Variants in FAM227B observed in about 807,000 individuals in gnomAD.
The protein encoded by FAM227B is protein FAM227B.
Under a neutral mutation model 73.8 loss-of-function variants are expected in FAM227B, and 88 were observed. That is an observed-to-expected ratio of 1.19 (90% CI 1.00 to 1.42). FAM227B has a LOEUF of 1.42. FAM227B is among the 40% of genes most tolerant of loss of function. The pLI, the probability that FAM227B is intolerant of heterozygous loss-of-function variation, is 0.00. For synonymous variants in FAM227B, 210 were observed against 190.5 expected (o/e 1.10, Z -0.84); for missense variants, 632 against 590.9 (o/e 1.07, Z -0.72).
chr15:49,512,619 G>A (rs1434075456), intron 10 of FAM227B, among the ~76,000 whole-genome samples: 1 of 152,032 alleles, frequency 6.6e-6, no homozygotes, highest in Non-Finnish European at 1.5e-5. Context: ...GGATACATGT[G>A]CAGAATGTGC....
chr15:49,594,809 C>T (rs961087881), intron 3 of FAM227B, among the ~76,000 whole-genome samples: 14 of 152,102 alleles, frequency 9.2e-5, no homozygotes, highest in Non-Finnish European at 1.8e-4. Flanking sequence ...CAGTACCATG[C>T]TGTTTTGGTG....
Position 49,590,017 on chromosome 15 carries a change from A to G in FAM227B, c.106-10T>C. 1 of 1,386,832 alleles carries G rather than the reference A, an allele frequency of 7.2e-7. No individual in the cohort carries two copies. 85.9% of individuals were successfully genotyped at this position (1,386,832 alleles called of 1,614,324 possible). On this transcript the variant is annotated splice_polypyrimidine_tract_variant and intron_variant, in intron 3 of 15. Coordinates refer to ENST00000299338, the MANE Select transcript of FAM227B (RefSeq NM_152647.3). ...CCCTTGGCCAATAATCCTGCAAAAAACGTGAAAGAGAGAATATAGCTTAAG... is the reference window on the plus strand; with the variant it reads ...CCCTTGGCCAATAATCCTGCAAAAAGCGTGAAAGAGAGAATATAGCTTAAG...
intron 9 of FAM227B, among the ~76,000 whole-genome samples, chr15:49,545,767 C>A (rs997805979): frequency 6.6e-5 from 10 of 152,044 alleles, no homozygotes; most frequent in African/African-American, 2.4e-4. Context: ...CATTCAGGAG[C>A]AGATTATTTA....
intron 4 of FAM227B, among the ~76,000 whole-genome samples, chr15:49,588,546 ACTATATAT>A (rs1448735451): frequency 1.2e-4 from 5 of 41,492 alleles, no homozygotes; most frequent in African/African-American, 3.7e-4. Context: ...CATATTGAGG[ACTATATAT>A]ATATATATAT....
At chr15:49,334,588 A>G (rs562358873) in intron 14 of FAM227B, among the ~76,000 whole-genome samples, 17 of 152,246 alleles carry the variant, frequency 1.1e-4, no homozygotes, top group Admixed American at 8.5e-4. Context: ...CAGGAAGTCT[A>G]AGGGATATGT....
chr15:49,591,633 G>T (rs1181037476), intron 3 of FAM227B, among the ~76,000 whole-genome samples: 1 of 150,706 alleles, frequency 6.6e-6, no homozygotes, highest in Non-Finnish European at 1.5e-5. Flanking sequence ...TTACAGGCAC[G>T]TGCCACCATG....
At chr15:49,333,870 G>A (rs1257850287) in intron 14 of FAM227B, among the ~76,000 whole-genome samples, 2 of 151,980 alleles carry the variant, frequency 1.3e-5, no homozygotes, top group African/African-American at 2.4e-5. Flanking sequence ...GCTTCATTGA[G>A]GAAAAATGTT....
At position 49,541,779 on chromosome 15, in the gene FAM227B, T is replaced by A. The variant is rs1039076258; in HGVS notation, c.775A>T (p.Ile259Leu). 6.6e-7 allele frequency: 1 copy of A among 1,515,822 alleles called. No individual in the cohort carries two copies. Among genetic ancestry groups the A allele is most frequent in the East Asian group, 2.5e-5 (1 of 40,512 alleles). 93.9% of individuals were successfully genotyped at this position (1,515,822 alleles called of 1,614,324 possible). ...QIYPDCLAQA[I>L]YATFHEAFPE... The stretch of plus-strand genomic sequence containing the variant: ...AATGCTTCATGGAACGTTGCATATA[T>A]GGCTTGTGCCAAACAATCAGGATAT... Residue 259 changes from isoleucine to leucine, a missense_variant, in exon 10 of 16, where the codon ATA becomes TTA. By Grantham distance (5) the Ile-to-Leu change is conservative. Transcript: ENST00000299338.
chr15:49,412,177 C>A (rs1281108851), intron 11 of FAM227B, among the ~76,000 whole-genome samples: 3 of 152,012 alleles, frequency 2.0e-5, no homozygotes, highest in Admixed American at 6.6e-5. Context: ...TCATGTGTAG[C>A]CAAAAAATTA....
At chr15:49,365,927 A>G in intron 13 of FAM227B, 1 of 964,548 alleles carries the variant, frequency 1.0e-6, no homozygotes, top group Non-Finnish European at 1.7e-6. Flanking sequence ...GATACTATGC[A>G]GAAAATTGCT....
At chr15:49,613,312 C>T (rs552185571) in intron 2 of FAM227B, among the ~76,000 whole-genome samples, 60 of 152,240 alleles carry the variant, frequency 3.9e-4, no homozygotes, top group Admixed American at 5.9e-4. Flanking sequence ...GTCAACAGTA[C>T]AAGAGACCAG....
chr15:49,541,482 T>G (rs998968823), intron 10 of FAM227B, among the ~76,000 whole-genome samples, 198 bp downstream of exon 10: 2 of 152,118 alleles, frequency 1.3e-5, no homozygotes, highest in Non-Finnish European at 2.9e-5. Context: ...GGCTCTAAAT[T>G]TAATAAGTAA....
chr15:49,431,969 T>C (rs1249856796), intron 11 of FAM227B, among the ~76,000 whole-genome samples: 1 of 151,708 alleles, frequency 6.6e-6, no homozygotes, highest in Non-Finnish European at 1.5e-5. Context: ...TGATAATAAA[T>C]TATTACAGGT....
intron 9 of FAM227B, among the ~76,000 whole-genome samples, chr15:49,554,217 G>C (rs1352173232): frequency 6.6e-6 from 1 of 152,126 alleles, no homozygotes; most frequent in East Asian, 1.9e-4. Context: ...TCCTCTAGCA[G>C]AAGGAAGGGG....
chr15:49,512,096 A>G (rs7176350), intron 10 of FAM227B, among the ~76,000 whole-genome samples: 49,741 of 151,840 alleles, frequency 0.33, 8,927 homozygotes, highest in African/African-American at 0.46. Flanking sequence ...TGTGCAGAAC[A>G]TGCAGGTTTG....
rs190124048 is a variant in FAM227B, at chr15:49,589,037, C to T, written c.337+739G>A. ...TTTGCCCATTAAATCAAGAATAAGA[C>T]AAGAATAATTATAAGTATTTAAAAC... is the stretch of plus-strand genomic sequence containing the variant. On this transcript the variant is annotated intron_variant, in intron 4 of 15. Coordinates refer to ENST00000299338, the MANE Select transcript of FAM227B (RefSeq NM_152647.3). Among the ~76,000 whole-genome samples the T allele has an allele frequency of 2.0e-3, 301 of 151,614 alleles. 1 individual carries two copies. Among genetic ancestry groups the T allele is most frequent in the African/African-American group, 7.0e-3 (288 of 41,370 alleles).
intron 11 of FAM227B, among the ~76,000 whole-genome samples, chr15:49,463,932 T>TTTTG (rs59867101): frequency 0.3 from 45,509 of 151,752 alleles, 7,171 homozygotes; most frequent in East Asian, 0.38. Flanking sequence ...TTTGTTTGTT[T>TTTTG]TTTGTTTGTT....
intron 11 of FAM227B, among the ~76,000 whole-genome samples, chr15:49,494,523 T>C (rs1311699971): frequency 6.6e-6 from 1 of 152,182 alleles, no homozygotes; most frequent in African/African-American, 2.4e-5. Context: ...TTTACTCTAA[T>C]GAAAACTTAG....
At position 49,327,422 on chromosome 15, in the gene FAM227B, C is replaced by T. The variant is rs1485761429; in HGVS notation, c.*1146G>A. The T allele has an allele frequency of 6.6e-6, 1 of 152,252 alleles. No individual in the cohort carries two copies. The highest frequency in any genetic ancestry group is 1.5e-5 in the Non-Finnish European group (1 of 68,076). 9.4% of individuals were successfully genotyped at this position (152,252 alleles called of 1,614,324 possible). A position where few individuals can be genotyped will look rare whatever the true frequency, so the allele number is the denominator to read the frequency against. ...TGATAAGTTTATTCAGTGAACTAGG[C>T]TATCTGTTCTAGGGGACTGATTCTT... On this transcript the variant is annotated 3_prime_UTR_variant, in exon 16 of 16. Transcript: ENST00000299338.
Sources: gnomAD v4.1 joint callset for allele counts (sites outside exome capture counted in the v4.1 genomes callset) on GRCh38, gnomAD v4.1.1 for gene constraint, MANE v1.5 for transcripts, NCBI Gene and HGNC (gene_info 2026-07-23, HGNC 2026-07-21) for gene names.